The following RARB variants were observed in gnomAD, a reference collection of about 807,000 sequenced individuals.
RARB encodes retinoic acid receptor beta.
Under a neutral mutation model 51.9 loss-of-function variants are expected in RARB, and 17 were observed. That is an observed-to-expected ratio of 0.33 (90% CI 0.22 to 0.49). The LOEUF is 0.49. Among genes scored for constraint, RARB ranks in the 20% least tolerant of loss-of-function variants. The pLI is 0.99. For synonymous variants in RARB, 215 were observed against 195.4 expected (o/e 1.10, Z -0.84); for missense variants, 369 against 550.8 (o/e 0.67, Z 3.30).
At chr3:25,173,658 G>GA (rs994944184) in intron 4 of RARB, among the ~76,000 whole-genome samples, 2 of 151,932 alleles carry the variant, frequency 1.3e-5, no homozygotes, top group Admixed American at 1.3e-4. Context: ...AAAAAAGCAA[G>GA]AAAAAAAATT....
intron 5 of RARB, among the ~76,000 whole-genome samples, chr3:25,587,990 C>T (rs576347509): frequency 5.3e-5 from 8 of 152,266 alleles, no homozygotes; most frequent in Admixed American, 5.2e-4. Context: ...CATTAACCAC[C>T]TGCTGTATGG....
intron 1 of RARB, among the ~76,000 whole-genome samples, chr3:25,438,371 A>C (rs1273996748): frequency 6.6e-6 from 1 of 152,206 alleles, no homozygotes; most frequent in Non-Finnish European, 1.5e-5. Flanking sequence ...AGAAAGGCAA[A>C]GAATGTCCAC....
chr3:24,831,063 T>G (rs1330880471), intron 1 of RARB, among the ~76,000 whole-genome samples: 1 of 152,154 alleles, frequency 6.6e-6, no homozygotes, highest in African/African-American at 2.4e-5. Flanking sequence ...GACACATCTT[T>G]GCAGCACCTA....
intron 2 of RARB, among the ~76,000 whole-genome samples, chr3:24,985,196 C>G (rs1218382791): frequency 2.0e-5 from 3 of 152,156 alleles, no homozygotes; most frequent in Non-Finnish European, 4.4e-5. Flanking sequence ...CACATACTAA[C>G]TTGTTATCTT....
chr3:25,202,414 G>T (rs571687866), intron 5 of RARB, among the ~76,000 whole-genome samples: 2 of 152,010 alleles, frequency 1.3e-5, no homozygotes, highest in East Asian at 3.9e-4. Flanking sequence ...TTTTTGAAGG[G>T]TTTTTTGTGT....
At chr3:24,963,511 G>A (rs1049089545) in intron 2 of RARB, among the ~76,000 whole-genome samples, 14 of 150,254 alleles carry the variant, frequency 9.3e-5, no homozygotes, top group East Asian at 2.0e-4. Flanking sequence ...ATTATTTTCC[G>A]TTACATTATG....
In RARB at chr3:25,349,674, T is replaced by A. The variant is rs551909742; in HGVS notation, c.179-111519T>A. Among the ~76,000 whole-genome samples the A allele has an allele frequency of 5.1e-4, 77 of 152,252 alleles. 1 individual carries two copies. The South Asian group carries it at 0.016, about 31-fold the overall frequency. ...AAAATTCTAAACAAACAAAAAAAAA[T>A]TTAAACCAAAGTTGTACATTTAAAA... On this transcript the variant is annotated intron_variant, in intron 5 of 11. Coordinates refer to the RARB transcript ENST00000383772.
intron 2 of RARB, among the ~76,000 whole-genome samples, chr3:25,041,842 T>C (rs1458711357): frequency 6.6e-6 from 1 of 151,792 alleles, no homozygotes; most frequent in Non-Finnish European, 1.5e-5. Context: ...CTGAATTTTA[T>C]TAATTCAGAA....
At chr3:25,045,059 G>C (rs572308465) in intron 2 of RARB, among the ~76,000 whole-genome samples, 1 of 152,288 alleles carries the variant, frequency 6.6e-6, no homozygotes, top group East Asian at 1.9e-4. Context: ...AACCTAAAAA[G>C]TTTAGTTTGG....
At chr3:24,918,061 G>A (rs921639678) in intron 2 of RARB, among the ~76,000 whole-genome samples, 6 of 152,150 alleles carry the variant, frequency 3.9e-5, no homozygotes, top group African/African-American at 1.4e-4. Context: ...CTATGCAAAC[G>A]AAAGGAAAAC....
chr3:25,095,523 T>A (rs1699278500), intron 3 of RARB, among the ~76,000 whole-genome samples: 1 of 152,168 alleles, frequency 6.6e-6, no homozygotes. Flanking sequence ...CCCAACAGGT[T>A]TATGATGTGG....
chr3:25,452,665 G>T (rs74657341), intron 1 of RARB, among the ~76,000 whole-genome samples: 1 of 31,236 alleles, frequency 3.2e-5, no homozygotes, highest in African/African-American at 3.2e-4. Flanking sequence ...TTTAAAAAGC[G>T]GGGGGGGTTT....
chr3:24,880,107 G>C (rs1703130081), intron 2 of RARB, among the ~76,000 whole-genome samples: 1 of 151,802 alleles, frequency 6.6e-6, no homozygotes, highest in South Asian at 2.1e-4. Flanking sequence ...GTTCATCAAT[G>C]CTTAATTTTT....
chr3:25,195,988 T>C (rs1416090969), intron 5 of RARB, among the ~76,000 whole-genome samples: 1 of 152,064 alleles, frequency 6.6e-6, no homozygotes, highest in Non-Finnish European at 1.5e-5. Flanking sequence ...TATTTGTTCC[T>C]CTGCTTCGAG....
At chr3:25,053,571 A>G (rs1698379895) in intron 2 of RARB, among the ~76,000 whole-genome samples, 2 of 152,342 alleles carry the variant, frequency 1.3e-5, no homozygotes, top group African/African-American at 4.8e-5. Flanking sequence ...CCTTTCCTCT[A>G]GGCATCTGTA....
chr3:25,544,947 T>TTTG (rs10674681), intron 3 of RARB, among the ~76,000 whole-genome samples: 16,806 of 151,772 alleles, frequency 0.11, 1,014 homozygotes, highest in Admixed American at 0.14. Flanking sequence ...GTCTGTACAT[T>TTTG]TTGTTGTTGT....
rs116766803 is a variant in RARB, at chr3:25,557,211, C to T, written c.449-12547C>T. Among the ~76,000 whole-genome samples, 477 of 151,874 alleles carry T rather than the reference C, an allele frequency of 3.1e-3. 4 individuals carry two copies. The highest frequency in any genetic ancestry group is 0.011 in the African/African-American group (450 of 41,334). On this transcript the variant is annotated intron_variant, in intron 3 of 7. Coordinates refer to ENST00000330688, the MANE Select transcript of RARB (RefSeq NM_000965.5). ...GTAGAGACTTCTGCTTTGAGTTCCTCTATAGGTTATGTCTACATCAGCATC... is the reference window on the plus strand; with the variant it reads ...GTAGAGACTTCTGCTTTGAGTTCCTTTATAGGTTATGTCTACATCAGCATC...
At chr3:25,015,586 T>C (rs1697491680) in intron 2 of RARB, among the ~76,000 whole-genome samples, 1 of 152,316 alleles carries the variant, frequency 6.6e-6, no homozygotes, top group South Asian at 2.1e-4. Context: ...TTTCATCTTC[T>C]GTAATGTGTA....
At position 25,429,607 on chromosome 3, in the gene RARB, C is replaced by T. The variant is rs369186755; in HGVS notation, c.157+719C>T. ...TCCATTATTTCCATATCTTGCAGTT[C>T]AGCCCGGAACGTGGACATCAGTTAA... On this transcript the variant is annotated intron_variant, in intron 1 of 7. Transcript: ENST00000330688. Among the ~76,000 whole-genome samples the T allele has an allele frequency of 2.0e-5, 3 of 152,280 alleles. No homozygotes were observed. In the East Asian group the frequency reaches 5.8e-4, roughly 29 times the overall value.
Sources: allele counts gnomAD v4.1 joint callset (sites outside exome capture counted in the v4.1 genomes callset), GRCh38; gene constraint gnomAD v4.1.1; transcripts MANE v1.5; gene names NCBI Gene and HGNC (gene_info 2026-07-23, HGNC 2026-07-21).